Variants in TFCP2 observed in about 807,000 individuals in gnomAD.
TFCP2 encodes the protein alpha-globin transcription factor CP2.
A neutral mutation model predicts 73.4 loss-of-function variants in TFCP2; 33 were observed. That is an observed-to-expected ratio of 0.45 (90% CI 0.34 to 0.60). The LOEUF is 0.60. TFCP2 is among the 20% of genes least tolerant of loss of function. The probability of loss-of-function intolerance (pLI) is 0.01; values close to 1 mark genes in which losing one functional copy is unlikely to be tolerated. For missense variants in TFCP2, 352 were observed against 604.0 expected (o/e 0.58, Z 4.37); for synonymous variants, 193 against 211.6 (o/e 0.91, Z 0.76).
Position 51,172,500 on chromosome 12 carries a change from C to A in TFCP2, c.-78G>T. On this transcript the variant is annotated 5_prime_UTR_variant, in exon 1 of 15. Coordinates refer to ENST00000257915, the MANE Select transcript of TFCP2 (RefSeq NM_005653.5). ...GGGTAATTCTACCCAACAGGAGTAA[C>A]GCAAACCAAGAAAACTACAAACCAA... 1 of 1,585,860 alleles carries A rather than the reference C, an allele frequency of 6.3e-7. No homozygotes were observed. The highest frequency in any genetic ancestry group is 8.6e-7 in the Non-Finnish European group (1 of 1,167,288).
At chr12:51,135,918 T>C (rs1566218731) in intron 1 of TFCP2, among the ~76,000 whole-genome samples, 1 of 152,134 alleles carries the variant, frequency 6.6e-6, no homozygotes, top group Non-Finnish European at 1.5e-5. Context: ...CTTCAAACCT[T>C]TTTTTCTTTT....
chr12:51,099,772 G>T lies in TFCP2; in HGVS notation c.1159C>A (p.Arg387Ser), dbSNP rs369701126. The T allele has an allele frequency of 1.7e-5, 28 of 1,613,940 alleles. No individual in the cohort carries two copies. The highest frequency in any genetic ancestry group is 2.3e-5 in the Non-Finnish European group (27 of 1,179,902). The change falls in exon 12 of 15, where the codon CGT becomes AGT. Residue 387 changes from arginine (R) to serine (S), a missense_variant. Coordinates refer to ENST00000257915, the MANE Select transcript of TFCP2 (RefSeq NM_005653.5). The part of the protein sequence containing the change: ...LFNALKGRMV[R>S]PRLTIYVCQE... ...CAAACATAAATGGTTAACCTTGGACGCACCATCCTAAGGGGAGGAAAAAGG... is the reference window on the plus strand; with the variant it reads ...CAAACATAAATGGTTAACCTTGGACTCACCATCCTAAGGGGAGGAAAAAGG...
intron 1 of TFCP2, among the ~76,000 whole-genome samples, chr12:51,134,699 T>A (rs916933978): frequency 2.0e-5 from 3 of 152,240 alleles, no homozygotes; most frequent in African/African-American, 4.8e-5. Context: ...AAATCAAGTT[T>A]ATTTACAGTT....
chr12:51,146,108 G>A (rs1941293328), intron 1 of TFCP2, among the ~76,000 whole-genome samples: 2 of 150,508 alleles, frequency 1.3e-5, no homozygotes, highest in South Asian at 2.1e-4. Flanking sequence ...GCTCACACCT[G>A]TAATCTTAAC....
At chr12:51,099,166 A>G (rs1940043941) in intron 12 of TFCP2, among the ~76,000 whole-genome samples, 1 of 152,156 alleles carries the variant, frequency 6.6e-6, no homozygotes, top group Non-Finnish European at 1.5e-5. Context: ...ATTAGTTGTA[A>G]ATATTAAAGC....
At position 51,119,686 on chromosome 12, in the gene TFCP2, G is replaced by A. The variant is rs529983042; in HGVS notation, c.123-914C>T. 5.3e-5 allele frequency among the ~76,000 whole-genome samples: 8 copies of A among 151,728 alleles called. No individual in the cohort carries two copies. The South Asian group carries it at 1.7e-3, about 32-fold the overall frequency. ...AACTGCTTGAACCCGGGAGGTGGAG[G>A]TTGTAGTGAGCCGAGATGGTGCCAC... On this transcript the variant is annotated intron_variant, in intron 1 of 14. Transcript: ENST00000257915.
rs191456670 is a variant in TFCP2, at chr12:51,155,777, C to T, written c.122+16524G>A. Among the ~76,000 whole-genome samples, 294 of 152,322 alleles carry T rather than the reference C, an allele frequency of 1.9e-3. 1 individual carries two copies. Among genetic ancestry groups the T allele is most frequent in the African/African-American group, 6.6e-3 (274 of 41,568 alleles). On this transcript the variant is annotated intron_variant, in intron 1 of 14. Coordinates refer to ENST00000257915, the MANE Select transcript of TFCP2 (RefSeq NM_005653.5). ...AGTCTATAGGCCAGGCGCAGTGGCT[C>T]ACGCCTGTAAAGCCAGCACTTTGGG...
At chr12:51,099,942 A>G (rs146034095) in intron 11 of TFCP2, among the ~76,000 whole-genome samples, 163 bp from the exon 12 acceptor site, 94 of 152,286 alleles carry the variant, frequency 6.2e-4, no homozygotes, top group African/African-American at 2.2e-3. Flanking sequence ...GTTCCCCAGT[A>G]GTAGGGTTTT....
chr12:51,150,216 G>A (rs1941391607), intron 1 of TFCP2, among the ~76,000 whole-genome samples: 1 of 152,026 alleles, frequency 6.6e-6, no homozygotes, highest in Admixed American at 6.6e-5. Context: ...TCAGGAGTTT[G>A]AGACCAGCCT....
chr12:51,107,395 C>A, intron 6 of TFCP2, 49 bp from the exon 7 acceptor site: 1 of 1,496,626 alleles, frequency 6.7e-7, no homozygotes, highest in East Asian at 2.3e-5. Context: ...ACCTTTTAAC[C>A]CAAAATATTG....
At chr12:51,129,045 G>A (rs770228761) in intron 1 of TFCP2, among the ~76,000 whole-genome samples, 1 of 151,930 alleles carries the variant, frequency 6.6e-6, no homozygotes, top group Non-Finnish European at 1.5e-5. Context: ...AAACAACTAG[G>A]CTTTTAAAAA....
At chr12:51,137,557 C>T (rs61932872) in intron 1 of TFCP2, among the ~76,000 whole-genome samples, 1 of 152,002 alleles carries the variant, frequency 6.6e-6, no homozygotes, top group African/African-American at 2.4e-5. Context: ...TAGCATTTAC[C>T]AGCCTACAGA....
rs180718747 is a variant in TFCP2, at chr12:51,163,195, G to A, written c.122+9106C>T. On this transcript the variant is annotated intron_variant, in intron 1 of 14. Coordinates refer to ENST00000257915, the MANE Select transcript of TFCP2 (RefSeq NM_005653.5). The stretch of plus-strand genomic sequence containing the variant: ...CGAGCCTATGGTCCCAGCTACTTGG[G>A]AGACTGAGGTGGGAGGATTGCCTGA... Among the ~76,000 whole-genome samples the A allele has an allele frequency of 3.2e-3, 485 of 152,300 alleles. 2 individuals carry two copies. The highest frequency in any genetic ancestry group is 4.0e-3 in the Non-Finnish European group (270 of 68,020).
intron 1 of TFCP2, chr12:51,124,664 C>T (rs1209264133): frequency 1.7e-6 from 1 of 600,028 alleles, no homozygotes; most frequent in African/African-American, 1.8e-5. Flanking sequence ...CCAACTTGCA[C>T]AGCTCCATCA....
intron 1 of TFCP2, among the ~76,000 whole-genome samples, chr12:51,150,057 C>A (rs1941389170): frequency 6.6e-6 from 1 of 152,176 alleles, no homozygotes; most frequent in Non-Finnish European, 1.5e-5. Flanking sequence ...GCAACATTAT[C>A]CTGAATTTGC....
chr12:51,124,076 TG>T (rs1156332662), intron 1 of TFCP2, among the ~76,000 whole-genome samples: 1 of 149,644 alleles, frequency 6.7e-6, no homozygotes, highest in Non-Finnish European at 1.5e-5. Context: ...AGTAACCTGA[TG>T]TTAACCAACC....
At chr12:51,101,283 C>G (rs750171817) in intron 11 of TFCP2, among the ~76,000 whole-genome samples, 1 of 152,090 alleles carries the variant, frequency 6.6e-6, no homozygotes, top group Non-Finnish European at 1.5e-5. Flanking sequence ...CCAGTCTGGG[C>G]GAAAGAGTGA....
chr12:51,164,480 C>T (rs575615483), intron 1 of TFCP2, among the ~76,000 whole-genome samples: 1 of 151,436 alleles, frequency 6.6e-6, no homozygotes, highest in South Asian at 2.1e-4. Context: ...ACCTGTAATC[C>T]CAGCTACTGG....
intron 1 of TFCP2, among the ~76,000 whole-genome samples, chr12:51,152,247 T>C (rs1941445035): frequency 6.6e-6 from 1 of 152,176 alleles, no homozygotes; most frequent in East Asian, 1.9e-4. Flanking sequence ...GTGCATAACC[T>C]GAATCTAACC....
Sources: allele counts gnomAD v4.1 joint callset (sites outside exome capture counted in the v4.1 genomes callset), GRCh38; gene constraint gnomAD v4.1.1; transcripts MANE v1.5; gene names NCBI Gene and HGNC (gene_info 2026-07-23, HGNC 2026-07-21).